GRSF1: variants seen among roughly 807,000 people sequenced by gnomAD.
GRSF1 encodes G-rich sequence factor 1.
A neutral mutation model predicts 51.1 loss-of-function variants in GRSF1; 50 were observed. The ratio of observed to expected loss-of-function variants is 0.98; its 90% CI spans 0.78 to 1.24. The LOEUF (loss-of-function observed/expected upper bound fraction) is 1.24. Among genes scored for constraint, GRSF1 ranks in the 50% most tolerant of loss-of-function variants. The probability of loss-of-function intolerance (pLI) is 0.00; values close to 1 mark genes in which losing one functional copy is unlikely to be tolerated. For synonymous variants in GRSF1, 293 were observed against 253.3 expected (o/e 1.16, Z -1.49); for missense variants, 700 against 639.7 (o/e 1.09, Z -1.02).
Position 70,825,398 on chromosome 4 carries a change from T to C in GRSF1, c.1291A>G (p.Met431Val), listed in dbSNP as rs1211101277. 1.9e-6 allele frequency: 3 copies of C among 1,611,874 alleles called. No homozygotes were observed. The highest frequency in any genetic ancestry group is 1.7e-5 in the Admixed American group (1 of 59,904). ...GCCTTCCCACTGGAGCTGTATTCCA[T>C]GGTGATTCTAACAGGCTTGAGTGGA... The part of the protein sequence containing the change: ...FAPLKPVRIT[M>V]EYSSSGKATG... Residue 431 changes from methionine to valine, a missense_variant, in exon 8 of 10, where the codon ATG becomes GTG. Met to Val is a conservative substitution (Grantham distance 21). Coordinates refer to ENST00000254799, the MANE Select transcript of GRSF1 (RefSeq NM_002092.4).
intron 8 of GRSF1, 148 bp downstream of exon 8, chr4:70,825,148 T>C (rs745371740): frequency 2.3e-4 from 119 of 526,506 alleles, no homozygotes; most frequent in Admixed American, 4.3e-4. Flanking sequence ...AATTATAATA[T>C]AGTGTTTTAT....
At position 70,818,453 on chromosome 4, in the gene GRSF1, C is replaced by G. The variant is rs1163457845; in HGVS notation, c.*2434G>C. On this transcript the variant is annotated 3_prime_UTR_variant, in exon 10 of 10. Coordinates refer to ENST00000254799, the MANE Select transcript of GRSF1 (RefSeq NM_002092.4). The stretch of plus-strand genomic sequence containing the variant: ...TCAAACTGGGTTCCTTATGCTTCCC[C>G]CTTCAAGTAACACAGAAGTAGTGAG... 3 of 152,188 alleles carry G rather than the reference C, an allele frequency of 2.0e-5. No homozygotes were observed. Among genetic ancestry groups the G allele is most frequent in the African/African-American group, 7.2e-5 (3 of 41,442 alleles). 9.4% of individuals were successfully genotyped at this position (152,188 alleles called of 1,614,324 possible). A position where few individuals can be genotyped will look rare whatever the true frequency, so the allele number is the denominator to read the frequency against.
At chr4:70,835,129 CTT>C (rs1005070632) in intron 2 of GRSF1, among the ~76,000 whole-genome samples, 2 of 152,036 alleles carry the variant, frequency 1.3e-5, no homozygotes, top group Middle Eastern at 3.4e-3. Flanking sequence ...TAATCTCACT[CTT>C]TGTTATGGCT....
chr4:70,825,650 C>T (rs1400129528), intron 7 of GRSF1: 2 of 374,340 alleles, frequency 5.3e-6, no homozygotes, highest in Non-Finnish European at 9.5e-6. Context: ...TATCTGCTCT[C>T]AGCGAGCATG....
intron 9 of GRSF1, among the ~76,000 whole-genome samples, chr4:70,822,082 G>GA (rs887908416): frequency 7.2e-4 from 104 of 145,264 alleles, no homozygotes; most frequent in African/African-American, 2.3e-3. Flanking sequence ...TACCTTATGG[G>GA]AAAAAAAAAA....
At chr4:70,839,394 G>T (rs968467639) in intron 1 of GRSF1, 77 bp downstream of exon 1, 27 of 1,508,458 alleles carry the variant, frequency 1.8e-5, no homozygotes, top group Non-Finnish European at 2.3e-5. Flanking sequence ...CGCACACGGA[G>T]GGACGGAGGG....
chr4:70,830,385 T>C (rs1301088881), intron 5 of GRSF1, among the ~76,000 whole-genome samples: 3 of 150,532 alleles, frequency 2.0e-5, no homozygotes, highest in Non-Finnish European at 4.4e-5. Flanking sequence ...TTCAAGGCTG[T>C]AGTGAGCTAT....
chr4:70,823,879 A>G (rs1282420183), intron 9 of GRSF1, among the ~76,000 whole-genome samples: 1 of 152,134 alleles, frequency 6.6e-6, no homozygotes, highest in Non-Finnish European at 1.5e-5. Context: ...AAAAATTTGA[A>G]AAATAAAAAG....
intron 2 of GRSF1, among the ~76,000 whole-genome samples, chr4:70,834,593 T>C (rs1734117819): frequency 6.6e-6 from 1 of 152,170 alleles, no homozygotes; most frequent in African/African-American, 2.4e-5. Context: ...ATAATTTAGT[T>C]ACCCAGGTAG....
chr4:70,836,937 A>C (rs1288186088), intron 1 of GRSF1, among the ~76,000 whole-genome samples: 1 of 152,248 alleles, frequency 6.6e-6, no homozygotes, highest in African/African-American at 2.4e-5. Flanking sequence ...GGAGCCAAAG[A>C]AGGTGACCTG....
At chr4:70,821,878 T>C (rs1024659329) in intron 9 of GRSF1, among the ~76,000 whole-genome samples, 2 of 151,940 alleles carry the variant, frequency 1.3e-5, no homozygotes, top group Non-Finnish European at 2.9e-5. Context: ...GTTTCGCCAT[T>C]TTGGCCAGGC....
At chr4:70,832,677 C>T (rs1734031770) in intron 3 of GRSF1, among the ~76,000 whole-genome samples, 1 of 152,224 alleles carries the variant, frequency 6.6e-6, no homozygotes, top group Admixed American at 6.5e-5. Context: ...GCCAGGCACA[C>T]TGGCTCACGC....
In GRSF1 at chr4:70,839,851, C is replaced by CTCCCT; in HGVS notation, c.-25_-24insAGGGA. ...ATGGACTCCGGAGGCGGCGCAGGGC[C>CTCCCT]TGAAGGCAGCTGCTCCAGCAGCGAT... On this transcript the variant is annotated 5_prime_UTR_variant, in exon 1 of 10. Transcript: ENST00000254799. 1 of 1,461,394 alleles carries CTCCCT rather than the reference C, an allele frequency of 6.8e-7. No homozygotes were observed. Among genetic ancestry groups the CTCCCT allele is most frequent in the South Asian group, 1.3e-5 (1 of 75,286 alleles). The allele number at this position is 1,461,394 out of a possible 1,614,324, so 90.5% of individuals were successfully genotyped here. A position where few individuals can be genotyped will look rare whatever the true frequency, so the allele number is the denominator to read the frequency against.
At chr4:70,828,200 A>G (rs1733810567) in intron 5 of GRSF1, among the ~76,000 whole-genome samples, 164 bp from the exon 6 acceptor site, 1 of 152,248 alleles carries the variant, frequency 6.6e-6, no homozygotes, top group South Asian at 2.1e-4. Context: ...ATAGTAGCCC[A>G]TGAAAATATA....
chr4:70,833,005 A>T (rs1465212782), intron 3 of GRSF1, 113 bp downstream of exon 3: 15 of 897,688 alleles, frequency 1.7e-5, no homozygotes, highest in Non-Finnish European at 2.4e-5. Context: ...CCTATAAAAG[A>T]ATGCATTCAT....
intron 5 of GRSF1, among the ~76,000 whole-genome samples, chr4:70,829,213 G>C (rs1307161987): frequency 6.6e-6 from 1 of 151,970 alleles, no homozygotes; most frequent in East Asian, 1.9e-4. Context: ...TCTTAACATG[G>C]CCTTCTAAAC....
intron 5 of GRSF1, 114 bp downstream of exon 5, chr4:70,831,425 C>T: frequency 5.5e-6 from 5 of 907,218 alleles, no homozygotes; most frequent in East Asian, 2.7e-5. Flanking sequence ...TGGCTCACTA[C>T]ACTACTCTCT....
At chr4:70,828,509 T>C (rs1323026010) in intron 5 of GRSF1, among the ~76,000 whole-genome samples, 1 of 147,290 alleles carries the variant, frequency 6.8e-6, no homozygotes, top group Non-Finnish European at 1.5e-5. Context: ...ATTCAAGAAC[T>C]AAGTATCAAT....
rs114145141 is a variant in GRSF1, at chr4:70,830,199, G to A, written c.950+1340C>T. Among the ~76,000 whole-genome samples the A allele has an allele frequency of 3.1e-3, 470 of 152,190 alleles. 3 individuals are homozygous for A. Among genetic ancestry groups the A allele is most frequent in the African/African-American group, 0.011 (446 of 41,522 alleles). ...TCCTAGCGTTTTGGGAAGCCAAAGCGGGCGATCACTTGAGCCCATGAGTTT... is the reference window on the plus strand; with the variant it reads ...TCCTAGCGTTTTGGGAAGCCAAAGCAGGCGATCACTTGAGCCCATGAGTTT... On this transcript the variant is annotated intron_variant, in intron 5 of 9. Coordinates refer to ENST00000254799, the MANE Select transcript of GRSF1 (RefSeq NM_002092.4).
Sources: allele counts gnomAD v4.1 joint callset (sites outside exome capture counted in the v4.1 genomes callset), GRCh38; gene constraint gnomAD v4.1.1; transcripts MANE v1.5; gene names NCBI Gene and HGNC (gene_info 2026-07-23, HGNC 2026-07-21).